The following PHEX variants were observed in gnomAD, a reference collection of about 807,000 sequenced individuals.
PHEX encodes phosphate regulating endopeptidase X-linked.
In PHEX, 16 loss-of-function variants were observed where a neutral mutation model predicts 68.0. That is an observed-to-expected ratio of 0.24 (90% CI 0.16 to 0.36). The LOEUF (loss-of-function observed/expected upper bound fraction) is 0.36, where lower values mean the gene tolerates loss of function less well. Ranked by LOEUF, PHEX falls within the 10% of genes least tolerant of loss-of-function variation. The pLI, the probability that PHEX is intolerant of heterozygous loss-of-function variation, is 1.00. For missense variants in PHEX, 480 were observed against 575.5 expected (o/e 0.83, Z 1.70); for synonymous variants, 208 against 205.1 (o/e 1.01, Z -0.12).
At chrX:22,174,504 T>C (rs192399110) in intron 13 of PHEX, among the ~76,000 whole-genome samples, 37 of 111,830 alleles carry the variant, frequency 3.3e-4, no homozygotes, top group South Asian at 3.7e-4. Context: ...CCCACTGATA[T>C]TATTTTTTAA....
chrX:22,132,872 T>TG (rs200132499), intron 11 of PHEX, among the ~76,000 whole-genome samples: 1 of 105,959 alleles, frequency 9.4e-6, no homozygotes, highest in Non-Finnish European at 1.9e-5. Context: ...TGGAAAGAAA[T>TG]GGTTTTTTTT....
At chrX:22,181,127 G>A (rs1442562808) in intron 14 of PHEX, among the ~76,000 whole-genome samples, 4 of 111,751 alleles carry the variant, frequency 3.6e-5, no homozygotes, top group African/African-American at 1.3e-4. Context: ...CCAGCAGTGG[G>A]ATTGGTGGAC....
chrX:22,065,019 G>T (rs1928532437), intron 3 of PHEX, among the ~76,000 whole-genome samples: 1 of 112,278 alleles, frequency 8.9e-6, no homozygotes, highest in Non-Finnish European at 1.9e-5. Context: ...TTGCTTTAAA[G>T]CGTCAAGAGA....
intron 18 of PHEX, among the ~76,000 whole-genome samples, chrX:22,223,592 T>C (rs1221846558): frequency 9.0e-6 from 1 of 111,416 alleles, no homozygotes. Context: ...AGAAAATTTT[T>C]TAAAAAATTA....
chrX:22,083,397 G>C (rs1929482292), intron 5 of PHEX, among the ~76,000 whole-genome samples: 1 of 111,801 alleles, frequency 8.9e-6, no homozygotes, highest in African/African-American at 3.2e-5. Context: ...TTTCTATTTT[G>C]TGAGGAATGT....
chrX:22,109,251 G>C (rs1930847600), intron 9 of PHEX, among the ~76,000 whole-genome samples: 1 of 111,955 alleles, frequency 8.9e-6, no homozygotes, highest in Admixed American at 9.5e-5. Context: ...TTTTGAAATA[G>C]TCAAGAAGAC....
intron 12 of PHEX, among the ~76,000 whole-genome samples, chrX:22,158,430 G>A (rs1387408533): frequency 1.8e-5 from 2 of 111,569 alleles, no homozygotes; most frequent in Non-Finnish European, 3.8e-5. Context: ...TTTTTCTTAA[G>A]TTGGTTAAAT....
At chrX:22,094,410 C>T (rs1481937027) in intron 7 of PHEX, among the ~76,000 whole-genome samples, 1 of 111,810 alleles carries the variant, frequency 8.9e-6, no homozygotes, top group Non-Finnish European at 1.9e-5. Context: ...GACCGTTTTT[C>T]CTGGAGAAAC....
chrX:22,131,540 A>G (rs768516604), intron 11 of PHEX, among the ~76,000 whole-genome samples: 46 of 113,001 alleles, frequency 4.1e-4, no homozygotes, highest in Non-Finnish European at 3.2e-4. Flanking sequence ...ACCCCCTTCC[A>G]TCTGCTGTTT....
At chrX:22,041,104 G>A (rs1927252554) in intron 2 of PHEX, among the ~76,000 whole-genome samples, 1 of 108,935 alleles carries the variant, frequency 9.2e-6, no homozygotes, top group East Asian at 2.9e-4. Context: ...TAGATTTTTG[G>A]TGATGGTTGG....
chrX:22,132,714 G>A (rs977376258), intron 11 of PHEX, among the ~76,000 whole-genome samples: 5 of 111,444 alleles, frequency 4.5e-5, no homozygotes, highest in African/African-American at 1.6e-4. Flanking sequence ...TTTATTAAAT[G>A]ATTAAAATTA....
At chrX:22,134,935 C>G (rs905765999) in intron 12 of PHEX, among the ~76,000 whole-genome samples, 1 of 111,753 alleles carries the variant, frequency 8.9e-6, no homozygotes, top group Admixed American at 9.5e-5. Flanking sequence ...ATACTGAGCA[C>G]AAATATTTTT....
At chrX:22,244,088 G>A (rs1470598566) in intron 20 of PHEX, among the ~76,000 whole-genome samples, 15 of 112,111 alleles carry the variant, frequency 1.3e-4, no homozygotes, top group African/African-American at 4.9e-4. Context: ...ATACACCATG[G>A]AATACTATGC....
intron 10 of PHEX, among the ~76,000 whole-genome samples, chrX:22,112,845 G>C (rs1336295013): frequency 9.0e-6 from 1 of 110,956 alleles, no homozygotes; most frequent in East Asian, 2.8e-4. Flanking sequence ...GGAGGCTACA[G>C]TGAACTGAGA....
rs1273529827 is a variant in PHEX at position 22,239,710 on chromosome X, G to T, written c.2071-5623G>T. On this transcript the variant is annotated intron_variant, in intron 20 of 21. Coordinates refer to ENST00000379374, the MANE Select transcript of PHEX (RefSeq NM_000444.6). ...TAGAGAAAAAAGAGTTAAAAGAAAT[G>T]AACAAAGCCTCCAAGAAATATGGGA... Among the ~76,000 whole-genome samples the T allele has an allele frequency of 6.3e-5, 7 of 111,179 alleles. No individual in the cohort carries two copies. In the Admixed American group the frequency reaches 6.8e-4, roughly 11 times the overall value.
At chrX:22,231,547 G>A (rs913543147) in intron 20 of PHEX, among the ~76,000 whole-genome samples, 2 of 107,997 alleles carry the variant, frequency 1.9e-5, no homozygotes, top group Non-Finnish European at 1.9e-5. Context: ...AGATTTTCTA[G>A]TTTATTTGCA....
intron 12 of PHEX, among the ~76,000 whole-genome samples, chrX:22,156,728 T>C (rs1408735661): frequency 9.0e-6 from 1 of 111,011 alleles, no homozygotes; most frequent in Admixed American, 9.6e-5. Flanking sequence ...TAATTGAGGC[T>C]TAGGGTATTC....
rs764489177 is a variant in PHEX at position 22,162,302 on chromosome X, C to T, written c.1405-6010C>T. Among the ~76,000 whole-genome samples the T allele has an allele frequency of 2.7e-5, 3 of 112,350 alleles. No individual in the cohort carries two copies. The East Asian group carries it at 8.5e-4, about 32-fold the overall frequency. ...TTGTCTTCCATTGATAAGAGGGTTG[C>T]CTCAATAGCTTTTCTCCCTAAGCAT... On this transcript the variant is annotated intron_variant, in intron 12 of 21. Coordinates refer to ENST00000379374, the MANE Select transcript of PHEX (RefSeq NM_000444.6).
chrX:22,170,891 C>CT (rs1345858739), intron 13 of PHEX, among the ~76,000 whole-genome samples: 1 of 112,322 alleles, frequency 8.9e-6, no homozygotes, highest in Non-Finnish European at 1.9e-5. Flanking sequence ...CTTTGTTTCT[C>CT]TGGGGCCTGA....
Sources: allele counts gnomAD v4.1 joint callset (sites outside exome capture counted in the v4.1 genomes callset), GRCh38; gene constraint gnomAD v4.1.1; transcripts MANE v1.5; gene names NCBI Gene and HGNC (gene_info 2026-07-23, HGNC 2026-07-21).